The following KIAA0825 variants were observed in gnomAD, a reference collection of about 807,000 sequenced individuals.
The protein encoded by KIAA0825 is uncharacterized protein KIAA0825.
In KIAA0825, 119 loss-of-function variants were observed where a neutral mutation model predicts 147.6. The observed-to-expected ratio is 0.81, with a 90% CI of 0.69 to 0.94. The LOEUF is 0.94. Ranked by LOEUF, KIAA0825 falls within the 40% of genes least tolerant of loss-of-function variation. The probability of loss-of-function intolerance (pLI) is 0.00; values close to 1 mark genes in which losing one functional copy is unlikely to be tolerated. For missense variants in KIAA0825, 1,381 were observed against 1,472.7 expected (o/e 0.94, Z 1.02); for synonymous variants, 470 against 518.1 (o/e 0.91, Z 1.26).
In KIAA0825 at chr5:94,584,375, G is replaced by A. The variant is rs11958861; in HGVS notation, c.-152-1792C>T. Among the ~76,000 whole-genome samples the A allele has an allele frequency of 1.2e-3, 176 of 152,300 alleles. 1 individual carries two copies. Among genetic ancestry groups the A allele is most frequent in the African/African-American group, 3.4e-3 (143 of 41,560 alleles). Reference sequence around the variant, plus strand: ...CTGATGGTCTTGAAAACCACAGTACGAGAACTTCGTGAAGCATACACAAGC... The same window carrying A: ...CTGATGGTCTTGAAAACCACAGTACAAGAACTTCGTGAAGCATACACAAGC... On this transcript the variant is annotated intron_variant, in intron 1 of 20. Coordinates refer to ENST00000682413, the MANE Select transcript of KIAA0825 (RefSeq NM_001145678.3).
intron 14 of KIAA0825, among the ~76,000 whole-genome samples, chr5:94,435,564 A>G (rs1415542926): frequency 1.3e-5 from 2 of 152,024 alleles, no homozygotes; most frequent in Non-Finnish European, 2.9e-5. Flanking sequence ...GCTATTTTGA[A>G]TAGTGCTGCA....
At chr5:94,500,050 C>G (rs73145037) in intron 5 of KIAA0825, among the ~76,000 whole-genome samples, 2 of 152,182 alleles carry the variant, frequency 1.3e-5, no homozygotes, top group African/African-American at 4.8e-5. Flanking sequence ...GTGGCACACG[C>G]GACATCATGA....
At chr5:94,256,968 G>C (rs559962867) in intron 20 of KIAA0825, among the ~76,000 whole-genome samples, 1 of 151,870 alleles carries the variant, frequency 6.6e-6, no homozygotes, top group South Asian at 2.1e-4. Flanking sequence ...TACCTATCTC[G>C]TTCAATTTAG....
At chr5:94,378,863 G>A (rs1216009900) in intron 20 of KIAA0825, among the ~76,000 whole-genome samples, 1 of 152,114 alleles carries the variant, frequency 6.6e-6, no homozygotes, top group African/African-American at 2.4e-5. Flanking sequence ...TAGTGATATT[G>A]AGCTTTTTTT....
chr5:94,343,094 CCATGGAGGAA>C (rs1284379019), intron 20 of KIAA0825, among the ~76,000 whole-genome samples: 1 of 151,748 alleles, frequency 6.6e-6, no homozygotes, highest in Non-Finnish European at 1.5e-5. Flanking sequence ...AATTAAAGAC[CCATGGAGGAA>C]ATACAATGTT....
intron 1 of KIAA0825, among the ~76,000 whole-genome samples, chr5:94,591,905 C>A (rs1172934147): frequency 6.6e-6 from 1 of 152,172 alleles, no homozygotes; most frequent in Non-Finnish European, 1.5e-5. Context: ...ACCATCAGAT[C>A]TCATGAGACT....
At chr5:94,421,126 A>G (rs1464266532) in intron 14 of KIAA0825, among the ~76,000 whole-genome samples, 3 of 152,182 alleles carry the variant, frequency 2.0e-5, no homozygotes, top group Non-Finnish European at 4.4e-5. Context: ...AAAGGGCCAG[A>G]CACTTTATGT....
At chr5:94,185,522 T>C (rs924809400) in intron 20 of KIAA0825, among the ~76,000 whole-genome samples, 1 of 152,224 alleles carries the variant, frequency 6.6e-6, no homozygotes, top group African/African-American at 2.4e-5. Context: ...AATTAAATGC[T>C]GACCTTTCCT....
chr5:94,417,528 C>A, intron 14 of KIAA0825, 163 bp from the exon 15 acceptor site: 1 of 560,338 alleles, frequency 1.8e-6, no homozygotes, highest in Non-Finnish European at 3.0e-6. Flanking sequence ...AATGGTCCAT[C>A]CAACCCAATG....
chr5:94,534,742 A>G (rs1167105848), intron 3 of KIAA0825, among the ~76,000 whole-genome samples: 1 of 152,184 alleles, frequency 6.6e-6, no homozygotes, highest in Non-Finnish European at 1.5e-5. Context: ...GTTCATAAAT[A>G]AAAATAAGCA....
At chr5:94,290,355 A>G (rs1014752317) in intron 20 of KIAA0825, among the ~76,000 whole-genome samples, 2 of 151,596 alleles carry the variant, frequency 1.3e-5, no homozygotes, top group Non-Finnish European at 2.9e-5. Context: ...TCATTGTTCA[A>G]CTCCCACTTA....
At chr5:94,361,672 C>T (rs1412541980) in intron 20 of KIAA0825, among the ~76,000 whole-genome samples, 4 of 152,148 alleles carry the variant, frequency 2.6e-5, no homozygotes, top group East Asian at 1.9e-4. Context: ...TCTATATGTA[C>T]ATACTCTTGC....
intron 20 of KIAA0825, among the ~76,000 whole-genome samples, chr5:94,280,862 C>T (rs1279807483): frequency 6.6e-6 from 1 of 152,102 alleles, no homozygotes; most frequent in African/African-American, 2.4e-5. Context: ...ATTTCAAAAT[C>T]AACAACATAA....
intron 3 of KIAA0825, among the ~76,000 whole-genome samples, chr5:94,524,506 A>G (rs893064633): frequency 6.6e-6 from 1 of 151,756 alleles, no homozygotes; most frequent in African/African-American, 2.4e-5. Flanking sequence ...AAAAATTTCA[A>G]TCAACGGAAT....
At chr5:94,363,410 C>T (rs182852739) in intron 20 of KIAA0825, among the ~76,000 whole-genome samples, 20 of 151,900 alleles carry the variant, frequency 1.3e-4, no homozygotes, top group Admixed American at 4.6e-4. Flanking sequence ...CTTAAAACTC[C>T]GGAATGAGGA....
intron 20 of KIAA0825, among the ~76,000 whole-genome samples, chr5:94,256,408 T>C (rs1482719827): frequency 6.6e-6 from 1 of 152,168 alleles, no homozygotes; most frequent in Admixed American, 6.6e-5. Context: ...TCTTTTCTTG[T>C]ATATGAATAT....
At chr5:94,185,669 T>A (rs1273757470) in intron 20 of KIAA0825, among the ~76,000 whole-genome samples, 2 of 152,194 alleles carry the variant, frequency 1.3e-5, no homozygotes, top group Non-Finnish European at 2.9e-5. Context: ...GAGTACATGT[T>A]CTGGATACAC....
At chr5:94,231,467 A>C (rs1774693966) in intron 20 of KIAA0825, among the ~76,000 whole-genome samples, 1 of 152,154 alleles carries the variant, frequency 6.6e-6, no homozygotes, top group South Asian at 2.1e-4. Context: ...CGTGAATCAA[A>C]CAGTTAAAAA....
At chr5:94,321,167 C>T (rs902314530) in intron 20 of KIAA0825, among the ~76,000 whole-genome samples, 2 of 151,814 alleles carry the variant, frequency 1.3e-5, no homozygotes, top group African/African-American at 4.8e-5. Context: ...AGTAAAAATG[C>T]CAAGGGTAAG....
Sources: gnomAD v4.1 joint callset for allele counts (sites outside exome capture counted in the v4.1 genomes callset) on GRCh38, gnomAD v4.1.1 for gene constraint, MANE v1.5 for transcripts, NCBI Gene and HGNC (gene_info 2026-07-23, HGNC 2026-07-21) for gene names.